The following NRXN3 variants were observed in gnomAD, a reference collection of about 807,000 sequenced individuals.
NRXN3 encodes the protein neurexin III.
In NRXN3, 32 loss-of-function variants were observed where a neutral mutation model predicts 137.6. That is an observed-to-expected ratio of 0.23 (90% CI 0.18 to 0.31). NRXN3 has a LOEUF of 0.31. Ranked by LOEUF, NRXN3 falls within the 10% of genes least tolerant of loss-of-function variation. NRXN3 has a pLI of 1.00. For missense variants in NRXN3, 1,574 were observed against 2,062.5 expected, an observed-to-expected ratio of 0.76 and a Z score of 4.59; for synonymous variants, 798 against 784.5, an observed-to-expected ratio of 1.02 and a Z score of -0.29.
chr14:78,755,603 T>A (rs2098664648), intron 8 of NRXN3, among the ~76,000 whole-genome samples: 1 of 152,342 alleles, frequency 6.6e-6, no homozygotes, highest in South Asian at 2.1e-4. Flanking sequence ...CTTGTGAATT[T>A]ACAAGTTTCT....
intron 6 of NRXN3, among the ~76,000 whole-genome samples, chr14:78,678,959 G>A (rs1567041485): frequency 6.6e-6 from 1 of 151,966 alleles, no homozygotes; most frequent in Non-Finnish European, 1.5e-5. Flanking sequence ...CATTACTCTG[G>A]CCTCAATTGC....
chr14:78,307,756 TA>T (rs747722966), intron 4 of NRXN3, among the ~76,000 whole-genome samples: 46 of 152,230 alleles, frequency 3.0e-4, no homozygotes, highest in Non-Finnish European at 5.7e-4. Flanking sequence ...AATTTACATG[TA>T]AAGCAAGGGC....
intron 15 of NRXN3, among the ~76,000 whole-genome samples, chr14:79,028,803 C>T (rs748576383): frequency 3.9e-5 from 6 of 152,046 alleles, no homozygotes; most frequent in African/African-American, 9.7e-5. Context: ...CATTGATCCA[C>T]GAGTTACCAT....
rs554451247 is a variant in NRXN3, at chr14:78,268,156, A to G, written c.710-10489A>G. On this transcript the variant is annotated intron_variant, in intron 2 of 20. Coordinates refer to ENST00000335750, the MANE Select transcript of NRXN3 (RefSeq NM_001330195.2). ...ATCTAAAAACATATATCCCCTATGGACTATATCTCCTTTTGGACTCCACAG... is the reference window on the plus strand; with the variant it reads ...ATCTAAAAACATATATCCCCTATGGGCTATATCTCCTTTTGGACTCCACAG... Among the ~76,000 whole-genome samples, 4 of 152,282 alleles carry G rather than the reference A, an allele frequency of 2.6e-5. No homozygotes were observed. In the South Asian group the frequency reaches 6.2e-4, roughly 24 times the overall value.
intron 4 of NRXN3, among the ~76,000 whole-genome samples, chr14:78,480,779 T>C (rs2095459562): frequency 6.6e-6 from 1 of 152,152 alleles, no homozygotes; most frequent in Non-Finnish European, 1.5e-5. Flanking sequence ...CCCCTTTTAT[T>C]AAAAAATGGA....
At position 78,297,999 on chromosome 14, in the gene NRXN3, C is replaced by A. The variant is rs570724666; in HGVS notation, c.757+139C>A. 1,231 of 941,846 alleles carry A rather than the reference C, an allele frequency of 1.3e-3. 24 individuals are homozygous for A. The South Asian group carries it at 0.019, about 15-fold the overall frequency. The allele number at this position is 941,846 out of a possible 1,614,324, so 58.3% of individuals were successfully genotyped here. A position where few individuals can be genotyped will look rare whatever the true frequency, so the allele number is the denominator to read the frequency against. On this transcript the variant is annotated intron_variant, in intron 4 of 20. Transcript: ENST00000335750. ...GCGCTGGGCCAGGCTGGCTGCAGGA[C>A]CACCCTGCAGTGGGGGTGGGGGCAC...
At chr14:79,359,944 G>C (rs757396646) in intron 15 of NRXN3, among the ~76,000 whole-genome samples, 2 of 152,120 alleles carry the variant, frequency 1.3e-5, no homozygotes, top group African/African-American at 4.8e-5. Context: ...GAACAGATAC[G>C]CATTGAAAGA....
intron 2 of NRXN3, among the ~76,000 whole-genome samples, chr14:78,256,930 A>C (rs1219802228): frequency 6.6e-6 from 1 of 152,180 alleles, no homozygotes; most frequent in Non-Finnish European, 1.5e-5. Context: ...CCTTATCCCC[A>C]GGGCTTGCAG....
At chr14:78,575,144 G>T (rs1016995857) in intron 4 of NRXN3, among the ~76,000 whole-genome samples, 1 of 152,192 alleles carries the variant, frequency 6.6e-6, no homozygotes, top group Non-Finnish European at 1.5e-5. Flanking sequence ...TGCCATGATT[G>T]TAAGTTTCCT....
chr14:79,354,285 C>G (rs1022949728), intron 15 of NRXN3, among the ~76,000 whole-genome samples: 2 of 152,072 alleles, frequency 1.3e-5, no homozygotes, highest in African/African-American at 4.8e-5. Flanking sequence ...CTAGTAAACA[C>G]TGCGTTTTAA....
chr14:79,601,456 T>G (rs1035647156), intron 16 of NRXN3, among the ~76,000 whole-genome samples: 5 of 152,190 alleles, frequency 3.3e-5, no homozygotes, highest in Admixed American at 3.3e-4. Flanking sequence ...TCCTTCATGC[T>G]CCTTGTCATT....
At chr14:79,816,599 T>A (rs975121905) in intron 20 of NRXN3, among the ~76,000 whole-genome samples, 22 of 152,374 alleles carry the variant, frequency 1.4e-4, no homozygotes, top group Admixed American at 5.9e-4. Flanking sequence ...TAGGTTTTCA[T>A]ATTCTGTCCC....
chr14:79,103,661 T>C (rs1300409493), intron 15 of NRXN3, among the ~76,000 whole-genome samples: 1 of 152,136 alleles, frequency 6.6e-6, no homozygotes, highest in Non-Finnish European at 1.5e-5. Context: ...GTTCCTGCAA[T>C]GATTACATGA....
intron 4 of NRXN3, among the ~76,000 whole-genome samples, chr14:78,549,475 T>A (rs376998698): frequency 6.6e-6 from 1 of 152,204 alleles, no homozygotes; most frequent in Admixed American, 6.5e-5. Flanking sequence ...CCTGTGTGAA[T>A]CTTGATCACC....
chr14:78,199,519 C>T (rs765114041), intron 1 of NRXN3, among the ~76,000 whole-genome samples: 18 of 152,094 alleles, frequency 1.2e-4, no homozygotes, highest in Non-Finnish European at 2.5e-4. Context: ...TCATATTTCT[C>T]CATATTACAG....
At chr14:79,133,568 G>A (rs944929266) in intron 15 of NRXN3, among the ~76,000 whole-genome samples, 25 of 152,140 alleles carry the variant, frequency 1.6e-4, no homozygotes, top group African/African-American at 6.0e-4. Context: ...TGTATAGATT[G>A]TGTATGTGTT....
intron 15 of NRXN3, among the ~76,000 whole-genome samples, chr14:79,417,145 T>A (rs1239029782): frequency 6.6e-6 from 1 of 152,112 alleles, no homozygotes; most frequent in Non-Finnish European, 1.5e-5. Context: ...ATGATGGAGA[T>A]GATTATTATC....
At chr14:78,820,090 G>A (rs990204233) in intron 10 of NRXN3, among the ~76,000 whole-genome samples, 7 of 151,814 alleles carry the variant, frequency 4.6e-5, no homozygotes, top group Admixed American at 2.0e-4. Flanking sequence ...ACCTCTATGC[G>A]GTGTAGGATG....
intron 6 of NRXN3, among the ~76,000 whole-genome samples, chr14:78,652,263 A>T: frequency 6.6e-6 from 1 of 152,190 alleles, no homozygotes; most frequent in South Asian, 2.1e-4. Context: ...TTCTTCCCTG[A>T]GAGCTAGTAG....
Sources: gnomAD v4.1 joint callset for allele counts (sites outside exome capture counted in the v4.1 genomes callset) on GRCh38, gnomAD v4.1.1 for gene constraint, MANE v1.5 for transcripts, NCBI Gene and HGNC (gene_info 2026-07-23, HGNC 2026-07-21) for gene names.